Variants in CEACAM5 observed in about 807,000 individuals in gnomAD.
CEACAM5 encodes cell adhesion molecule CEACAM5.
A neutral mutation model predicts 63.0 loss-of-function variants in CEACAM5; 52 were observed. The observed-to-expected ratio is 0.83, with a 90% CI of 0.66 to 1.04. CEACAM5 has a LOEUF of 1.04. Ranked by LOEUF, CEACAM5 falls within the 50% of genes least tolerant of loss-of-function variation. The pLI is 0.00. For synonymous variants in CEACAM5, 357 were observed against 351.3 expected, an observed-to-expected ratio of 1.02 and a Z score of -0.18; for missense variants, 790 against 864.8, an observed-to-expected ratio of 0.91 and a Z score of 1.08.
rs34155934 is a variant in CEACAM5, at chr19:41,709,949, A to G, written c.334A>G (p.Ile112Val). 258,154 of 1,612,866 alleles carry G rather than the reference A, an allele frequency of 0.16. 23,525 individuals carry two copies. The highest frequency in any genetic ancestry group is 0.28 in the African/African-American group (20,625 of 74,786). ...YPNASLLIQN[I>V]IQNDTGFYTL... ...CAATGCATCCCTGCTGATCCAGAAC[A>G]TCATCCAGAATGACACAGGATTCTA... The change falls in exon 2 of 10, where the codon ATC becomes GTC. Residue 112 changes from isoleucine (I) to valine (V), a missense_variant. Coordinates refer to ENST00000221992, the MANE Select transcript of CEACAM5 (RefSeq NM_004363.6).
intron 5 of CEACAM5, 37 bp from the exon 6 acceptor site, chr19:41,718,091 A>G: frequency 6.2e-7 from 1 of 1,610,194 alleles, no homozygotes; most frequent in Admixed American, 1.7e-5. Flanking sequence ...CTTTGCTCTG[A>G]TGACATTCAC....
In CEACAM5 at chr19:41,715,128, C is replaced by T; in HGVS notation, c.582C>T (p.Ser194=). Residue 194 remains serine (S), a synonymous_variant, in exon 3 of 10, where the codon TCC becomes TCT. Transcript: ENST00000221992. The stretch of plus-strand genomic sequence containing the variant: ...CGGTCAGTCCCAGGCTGCAGCTGTC[C>T]AATGGCAACAGGACCCTCACTCTAT... ...SLPVSPRLQL[S]NGNRTLTLFN... is the part of the protein sequence containing the mutation. 1 of 1,614,160 alleles carries T rather than the reference C, an allele frequency of 6.2e-7. No individual in the cohort carries two copies.
chr19:41,721,220 G>A, intron 8 of CEACAM5, 44 bp downstream of exon 8: 1 of 1,604,112 alleles, frequency 6.2e-7, no homozygotes, highest in Non-Finnish European at 8.5e-7. Flanking sequence ...CTGGGGTGGA[G>A]TCTATCTGGT....
Position 41,718,125 on chromosome 19 carries a change from C to T in CEACAM5, c.1238-3C>T, listed in dbSNP as rs782783049. 83 of 1,613,916 alleles carry T rather than the reference C, an allele frequency of 5.1e-5. 2 individuals are homozygous for T. The South Asian group carries it at 8.2e-4, about 16-fold the overall frequency. Reference sequence around the variant, plus strand: ...ACCTGTGGCCCTATTCTCTTTGCTCCAGATGGCCCAGACGACCCCACCATT... The same window carrying T: ...ACCTGTGGCCCTATTCTCTTTGCTCTAGATGGCCCAGACGACCCCACCATT... On this transcript the variant is annotated splice_polypyrimidine_tract_variant and splice_region_variant and intron_variant, in intron 5 of 9. Transcript: ENST00000221992.
At chr19:41,719,487 C>T (rs782179542) in intron 6 of CEACAM5, among the ~76,000 whole-genome samples, 2 of 152,176 alleles carry the variant, frequency 1.3e-5, no homozygotes, top group African/African-American at 2.4e-5. Flanking sequence ...CTTAAACACC[C>T]ATCCCCGTCA....
intron 7 of CEACAM5, 122 bp from the exon 8 acceptor site, chr19:41,720,800 G>A (rs895210280): frequency 7.3e-5 from 98 of 1,340,530 alleles, no homozygotes; most frequent in African/African-American, 2.6e-4. Context: ...GCACCCGGCC[G>A]ATTTGGACTT....
chr19:41,722,563 C>T (rs925087806), intron 8 of CEACAM5, among the ~76,000 whole-genome samples: 10 of 152,124 alleles, frequency 6.6e-5, no homozygotes, highest in African/African-American at 2.2e-4. Context: ...ACTATTCTAA[C>T]GATCTTACAA....
chr19:41,723,921 C>T (rs2072662495), intron 8 of CEACAM5, among the ~76,000 whole-genome samples: 1 of 149,504 alleles, frequency 6.7e-6, no homozygotes, highest in Non-Finnish European at 1.5e-5. Context: ...TGCACTCCAG[C>T]CAGGGTGACA....
rs868922986 is a variant in CEACAM5, at chr19:41,709,592, G to T, written c.65-88G>T. On this transcript the variant is annotated intron_variant, in intron 1 of 9. Coordinates refer to ENST00000221992, the MANE Select transcript of CEACAM5 (RefSeq NM_004363.6). ...CTCACTCACTCCAGGGCTGGGGGAT[G>T]AAGAGACCTGCTCAGGACCCAGGAC... 3.9e-6 allele frequency: 6 copies of T among 1,532,928 alleles called. No homozygotes were observed. In the Admixed American group the frequency reaches 6.1e-5, roughly 16 times the overall value. 95.0% of individuals were successfully genotyped at this position (1,532,928 alleles called of 1,614,324 possible).
chr19:41,717,558 C>A lies in CEACAM5; in HGVS notation c.1062C>A (p.Tyr354Ter). The A allele has an allele frequency of 6.2e-7, 1 of 1,614,232 alleles. No individual in the cohort carries two copies. The highest frequency in any genetic ancestry group is 8.5e-7 in the Non-Finnish European group (1 of 1,180,044). ...TCEPEIQNTT[Y>*]LWWVNNQSLP... ...AACCTGAGATTCAGAACACAACCTA[C>A]CTGTGGTGGGTAAATAATCAGAGCC... Residue 354 changes from tyrosine to a stop codon, truncating the protein, a stop_gained, in exon 5 of 10, where the codon TAC becomes TAA. Transcript: ENST00000221992. LOFTEE classifies it high-confidence loss of function.
At chr19:41,718,517 C>T (rs1428457060) in intron 6 of CEACAM5, 135 bp downstream of exon 6, 20 of 873,430 alleles carry the variant, frequency 2.3e-5, no homozygotes, top group Non-Finnish European at 3.4e-5. Context: ...CAATCCTGAG[C>T]ACTCCCAATT....
intron 6 of CEACAM5, among the ~76,000 whole-genome samples, chr19:41,719,523 A>G (rs782418933): frequency 2.0e-5 from 3 of 152,120 alleles, no homozygotes; most frequent in Admixed American, 6.5e-5. Context: ...ATAGCCTTGA[A>G]ACAAAAGGCT....
At chr19:41,715,352 A>G (rs782637759) in intron 3 of CEACAM5, 103 bp downstream of exon 3, 9 of 1,497,386 alleles carry the variant, frequency 6.0e-6, no homozygotes, top group Non-Finnish European at 7.4e-6. Flanking sequence ...ACAGACCCTC[A>G]ACCCTGGACA....
At chr19:41,710,568 C>G (rs1341289006) in intron 2 of CEACAM5, among the ~76,000 whole-genome samples, 1 of 152,178 alleles carries the variant, frequency 6.6e-6, no homozygotes, top group Non-Finnish European at 1.5e-5. Flanking sequence ...TCTGGCCACA[C>G]TTGTTCCCTG....
In CEACAM5 at chr19:41,717,525, A is replaced by G. The variant is rs1247948125; in HGVS notation, c.1029A>G (p.Leu343=). The change falls in exon 5 of 10, where the codon TTA becomes TTG. Residue 343 remains leucine, a synonymous_variant. Transcript: ENST00000221992. The part of the protein sequence containing the change: ...NPVEDEDAVA[L]TCEPEIQNTT... Reference sequence around the variant, plus strand: ...TGGAGGATGAGGATGCTGTAGCCTTAACCTGTGAACCTGAGATTCAGAACA... The same window carrying G: ...TGGAGGATGAGGATGCTGTAGCCTTGACCTGTGAACCTGAGATTCAGAACA... 1.9e-6 allele frequency: 3 copies of G among 1,613,766 alleles called. No homozygotes were observed. The African/African-American group carries it at 4.0e-5, about 22-fold the overall frequency.
rs563620092 is a variant in CEACAM5 at position 41,709,858 on chromosome 19, A to C, written c.243A>C (p.Gly81=). ...ERVDGNRQII[G]YVIGTQQATP... Reference sequence around the variant, plus strand: ...TGGATGGCAACCGTCAAATTATAGGATATGTAATAGGAACTCAACAAGCTA... The same window carrying C: ...TGGATGGCAACCGTCAAATTATAGGCTATGTAATAGGAACTCAACAAGCTA... The change falls in exon 2 of 10, where the codon GGA becomes GGC. Residue 81 remains glycine, a synonymous_variant. Transcript: ENST00000221992. The C allele has an allele frequency of 6.2e-7, 1 of 1,613,904 alleles. No individual in the cohort carries two copies. The highest frequency in any genetic ancestry group is 1.3e-5 in the African/African-American group (1 of 74,836).
At chr19:41,724,098 C>G (rs540167884) in intron 8 of CEACAM5, among the ~76,000 whole-genome samples, 2 of 151,906 alleles carry the variant, frequency 1.3e-5, no homozygotes, top group African/African-American at 2.4e-5. Context: ...GAGTTTTATA[C>G]TTTTCACTCT....
At position 41,718,365 on chromosome 19, in the gene CEACAM5, A is replaced by G. The variant is rs200943930; in HGVS notation, c.1475A>G (p.Lys492Arg). The G allele has an allele frequency of 3.9e-5, 63 of 1,614,108 alleles. No homozygotes were observed. The highest frequency in any genetic ancestry group is 7.6e-6 in the Non-Finnish European group (9 of 1,180,036). ...AGTGGCCACAGCAGGACTACAGTCA[A>G]GACAATCACAGTCTCTGGTAAGTGG... is the stretch of plus-strand genomic sequence containing the variant. ...SASGHSRTTV[K>R]TITVSAELPK... The change falls in exon 6 of 10, where the codon AAG becomes AGG. Residue 492 changes from lysine to arginine, a missense_variant. By Grantham distance (26) the Lys-to-Arg change is conservative. Coordinates refer to ENST00000221992, the MANE Select transcript of CEACAM5 (RefSeq NM_004363.6).
chr19:41,721,658 C>T (rs547802453), intron 8 of CEACAM5, among the ~76,000 whole-genome samples: 29 of 152,386 alleles, frequency 1.9e-4, no homozygotes, highest in African/African-American at 3.6e-4. Flanking sequence ...CCCTGCTCTG[C>T]GCCCGGCTCA....
Sources: gnomAD v4.1 joint callset for allele counts (sites outside exome capture counted in the v4.1 genomes callset) on GRCh38, gnomAD v4.1.1 for gene constraint, MANE v1.5 for transcripts, NCBI Gene and HGNC (gene_info 2026-07-23, HGNC 2026-07-21) for gene names.